The following SH3GL2 variants were observed in gnomAD, a reference collection of about 807,000 sequenced individuals.
The protein encoded by SH3GL2 is endophilin-A1.
Under a neutral mutation model 46.0 loss-of-function variants are expected in SH3GL2, and 24 were observed. That is an observed-to-expected ratio of 0.52 (90% CI 0.38 to 0.73). The LOEUF is 0.73. Ranked by LOEUF, SH3GL2 falls within the 30% of genes least tolerant of loss-of-function variation. The probability of loss-of-function intolerance (pLI) is 0.00; values close to 1 mark genes in which losing one functional copy is unlikely to be tolerated. For synonymous variants in SH3GL2, 196 were observed against 147.1 expected (o/e 1.33, Z -2.40); for missense variants, 413 against 424.2 (o/e 0.97, Z 0.23).
intron 1 of SH3GL2, among the ~76,000 whole-genome samples, chr9:17,676,457 T>C (rs1820612498): frequency 6.6e-6 from 1 of 152,002 alleles, no homozygotes; most frequent in African/African-American, 2.4e-5. Context: ...AATACTAAAA[T>C]TAGCTGGGCA....
intron 1 of SH3GL2, among the ~76,000 whole-genome samples, chr9:17,627,442 C>G (rs569586331): frequency 6.6e-6 from 1 of 152,250 alleles, no homozygotes; most frequent in South Asian, 2.1e-4. Context: ...AGGCCTGAAA[C>G]TGTGACCTTC....
intron 1 of SH3GL2, among the ~76,000 whole-genome samples, chr9:17,703,799 T>C (rs1203522662): frequency 2.6e-5 from 4 of 152,026 alleles, no homozygotes; most frequent in Admixed American, 6.6e-5. Flanking sequence ...CAAAGGAATA[T>C]ACCTCAAAAT....
At chr9:17,755,118 G>A (rs34685131) in intron 2 of SH3GL2, among the ~76,000 whole-genome samples, 1 of 152,138 alleles carries the variant, frequency 6.6e-6, no homozygotes, top group African/African-American at 2.4e-5. Flanking sequence ...TGTTGGATAT[G>A]GGTTTGTCAT....
At chr9:17,638,111 C>T (rs918536813) in intron 1 of SH3GL2, among the ~76,000 whole-genome samples, 32 of 151,712 alleles carry the variant, frequency 2.1e-4, no homozygotes, top group African/African-American at 7.2e-4. Flanking sequence ...GAGCCGAGAT[C>T]GCGCCACTGC....
intron 1 of SH3GL2, among the ~76,000 whole-genome samples, chr9:17,653,596 A>C (rs1467487524): frequency 6.6e-6 from 1 of 152,114 alleles, no homozygotes; most frequent in Non-Finnish European, 1.5e-5. Flanking sequence ...TGTGGTTGGA[A>C]TGTGTCCCTT....
chr9:17,639,220 A>G (rs1036536241), intron 1 of SH3GL2, among the ~76,000 whole-genome samples: 6 of 152,246 alleles, frequency 3.9e-5, no homozygotes, highest in African/African-American at 1.2e-4. Flanking sequence ...AATTTTAATC[A>G]AAATTTAAAA....
At chr9:17,667,287 T>C (rs1287176912) in intron 1 of SH3GL2, among the ~76,000 whole-genome samples, 2 of 152,182 alleles carry the variant, frequency 1.3e-5, no homozygotes, top group Non-Finnish European at 2.9e-5. Context: ...CACAAGATTG[T>C]ACAGCATCAC....
chr9:17,789,205 C>G (rs970751647), intron 5 of SH3GL2, among the ~76,000 whole-genome samples, 187 bp from the exon 6 acceptor site: 1 of 152,114 alleles, frequency 6.6e-6, no homozygotes, highest in Admixed American at 6.5e-5. Flanking sequence ...TAAAGATATT[C>G]CCCCATATTT....
At chr9:17,699,753 G>A (rs1323617746) in intron 1 of SH3GL2, among the ~76,000 whole-genome samples, 1 of 152,202 alleles carries the variant, frequency 6.6e-6, no homozygotes, top group Non-Finnish European at 1.5e-5. Context: ...CATTTTCTGT[G>A]TTACATAATA....
intron 1 of SH3GL2, among the ~76,000 whole-genome samples, chr9:17,672,526 A>C (rs367889095): frequency 3.3e-5 from 5 of 152,294 alleles, no homozygotes; most frequent in African/African-American, 1.2e-4. Context: ...GTAGGCATTT[A>C]GTTTTCAAGC....
intron 1 of SH3GL2, among the ~76,000 whole-genome samples, chr9:17,679,565 C>G (rs1820711489): frequency 6.6e-6 from 1 of 152,158 alleles, no homozygotes; most frequent in Non-Finnish European, 1.5e-5. Context: ...ACAATCATGT[C>G]ATCTGCAAAC....
intron 1 of SH3GL2, among the ~76,000 whole-genome samples, chr9:17,616,012 A>G (rs1818986940): frequency 1.3e-5 from 2 of 152,152 alleles, no homozygotes; most frequent in Admixed American, 1.3e-4. Context: ...GGGAATTGAG[A>G]TTCAGAGGCA....
intron 1 of SH3GL2, among the ~76,000 whole-genome samples, chr9:17,690,146 A>G (rs1313307209): frequency 6.6e-6 from 1 of 152,122 alleles, no homozygotes; most frequent in Non-Finnish European, 1.5e-5. Flanking sequence ...AAACTGCAGC[A>G]GTTGTATACC....
intron 1 of SH3GL2, among the ~76,000 whole-genome samples, chr9:17,605,871 C>A (rs903839974): frequency 1.3e-5 from 2 of 152,068 alleles, no homozygotes; most frequent in African/African-American, 4.8e-5. Flanking sequence ...GGGATGCCTT[C>A]CTGTATGGGT....
chr9:17,779,689 G>A (rs894885877), intron 3 of SH3GL2, among the ~76,000 whole-genome samples: 1 of 152,098 alleles, frequency 6.6e-6, no homozygotes, highest in Non-Finnish European at 1.5e-5. Flanking sequence ...TTCATTTGGG[G>A]GCAATTATCT....
intron 1 of SH3GL2, among the ~76,000 whole-genome samples, chr9:17,630,751 T>A (rs1209536325): frequency 6.6e-6 from 1 of 152,142 alleles, no homozygotes; most frequent in Non-Finnish European, 1.5e-5. Flanking sequence ...CATTATGCAA[T>A]AATGTAGCCT....
intron 3 of SH3GL2, among the ~76,000 whole-genome samples, chr9:17,785,768 G>A (rs1409075419): frequency 6.6e-6 from 1 of 152,164 alleles, no homozygotes. Context: ...ATTTTCTCTA[G>A]TTATGTGCTG....
intron 1 of SH3GL2, among the ~76,000 whole-genome samples, chr9:17,612,339 A>T (rs939375792): frequency 6.6e-6 from 1 of 152,168 alleles, no homozygotes; most frequent in Non-Finnish European, 1.5e-5. Context: ...TATATGTGGT[A>T]CACTCTTTTT....
chr9:17,688,077 A>G (rs1410423103), intron 1 of SH3GL2, among the ~76,000 whole-genome samples: 1 of 152,062 alleles, frequency 6.6e-6, no homozygotes, highest in Non-Finnish European at 1.5e-5. Context: ...ACCTAAGTTC[A>G]TCTTTTCCAG....
Sources: allele counts gnomAD v4.1 joint callset (sites outside exome capture counted in the v4.1 genomes callset), GRCh38; gene constraint gnomAD v4.1.1; transcripts MANE v1.5; gene names NCBI Gene and HGNC (gene_info 2026-07-23, HGNC 2026-07-21).